The following STAP1 variants were observed in gnomAD, a reference collection of about 807,000 sequenced individuals.
STAP1 encodes the protein signal-transducing adaptor protein 1.
STAP1 carries 30 observed loss-of-function variants against 37.8 expected under a neutral mutation model. The ratio of observed to expected loss-of-function variants is 0.79; its 90% CI spans 0.59 to 1.08. The LOEUF (loss-of-function observed/expected upper bound fraction) is 1.08. Among genes scored for constraint, STAP1 ranks in the 50% least tolerant of loss-of-function variants. STAP1 has a pLI of 0.00. For missense variants in STAP1, 357 were observed against 349.4 expected, an observed-to-expected ratio of 1.02 and a Z score of -0.17; for synonymous variants, 130 against 116.0, an observed-to-expected ratio of 1.12 and a Z score of -0.78.
intron 8 of STAP1, among the ~76,000 whole-genome samples, chr4:67,600,306 G>A (rs113014761): frequency 9.2e-5 from 14 of 152,152 alleles, no homozygotes; most frequent in African/African-American, 3.1e-4. Flanking sequence ...TGTTTGTATA[G>A]TTTCCAAAGT....
chr4:67,559,946 A>T (rs1437108001), intron 1 of STAP1, among the ~76,000 whole-genome samples: 1 of 152,216 alleles, frequency 6.6e-6, no homozygotes, highest in Non-Finnish European at 1.5e-5. Context: ...GATGTTAAAC[A>T]TGCATAAATA....
At chr4:67,603,907 C>A (rs543569916) in intron 8 of STAP1, among the ~76,000 whole-genome samples, 1 of 152,100 alleles carries the variant, frequency 6.6e-6, no homozygotes, top group Non-Finnish European at 1.5e-5. Context: ...CACTACATGT[C>A]CACTGGCTCC....
At chr4:67,602,485 G>T (rs1258884587) in intron 8 of STAP1, among the ~76,000 whole-genome samples, 1 of 152,046 alleles carries the variant, frequency 6.6e-6, no homozygotes, top group East Asian at 1.9e-4. Context: ...ATCCTTCTTG[G>T]AAAGGTTTTC....
intron 1 of STAP1, among the ~76,000 whole-genome samples, chr4:67,565,111 G>A (rs985368073): frequency 5.3e-5 from 8 of 151,982 alleles, no homozygotes; most frequent in East Asian, 1.9e-4. Flanking sequence ...AGAGTTGGTC[G>A]GATAAGCAAA....
chr4:67,575,114 A>G lies in STAP1; in HGVS notation c.193-271A>G, dbSNP rs1727689214. Among the ~76,000 whole-genome samples, 3 of 152,184 alleles carry G rather than the reference A, an allele frequency of 2.0e-5. 1 individual carries two copies. The South Asian group carries it at 6.2e-4, about 32-fold the overall frequency. On this transcript the variant is annotated intron_variant, in intron 2 of 8. Transcript: ENST00000265404. ...ATAATTTATTTACTGGTATGTTTAT[A>G]TAATTCGATTTTTAAAATAATGGCT...
At chr4:67,561,125 C>T (rs1578018746) in intron 1 of STAP1, among the ~76,000 whole-genome samples, 2 of 152,156 alleles carry the variant, frequency 1.3e-5, no homozygotes, top group Admixed American at 1.3e-4. Context: ...TATTCAGGTA[C>T]TAAAATTAGT....
At chr4:67,578,068 C>T (rs1419842663) in intron 4 of STAP1, among the ~76,000 whole-genome samples, 1 of 152,126 alleles carries the variant, frequency 6.6e-6, no homozygotes, top group Non-Finnish European at 1.5e-5. Flanking sequence ...CACCTTTAAA[C>T]ATTTCTTCAG....
intron 1 of STAP1, among the ~76,000 whole-genome samples, chr4:67,569,848 G>A (rs1323396004): frequency 2.0e-5 from 3 of 152,114 alleles, no homozygotes; most frequent in South Asian, 4.1e-4. Flanking sequence ...TTCTGCTACA[G>A]CCCCCTGAGT....
At chr4:67,567,271 A>G (rs549957853) in intron 1 of STAP1, among the ~76,000 whole-genome samples, 75 of 152,310 alleles carry the variant, frequency 4.9e-4, no homozygotes, top group African/African-American at 1.7e-3. Flanking sequence ...TGATCCTTCA[A>G]TAATATGCCC....
At chr4:67,566,351 T>C (rs1727471058) in intron 1 of STAP1, among the ~76,000 whole-genome samples, 1 of 152,116 alleles carries the variant, frequency 6.6e-6, no homozygotes, top group Non-Finnish European at 1.5e-5. Context: ...TGAAGATCAG[T>C]TAGTTACTTT....
chr4:67,592,920 A>G (rs3775879), intron 7 of STAP1, among the ~76,000 whole-genome samples: 22,347 of 152,092 alleles, frequency 0.15, 2,683 homozygotes, highest in African/African-American at 0.33. Flanking sequence ...CTGGTCTCAA[A>G]TGATCTTCCC....
At chr4:67,566,846 T>A (rs563517449) in intron 1 of STAP1, among the ~76,000 whole-genome samples, 1 of 152,146 alleles carries the variant, frequency 6.6e-6, no homozygotes, top group Non-Finnish European at 1.5e-5. Context: ...GGAACATGCC[T>A]GTAGTCCTAG....
chr4:67,567,190 T>C (rs1040307596), intron 1 of STAP1, among the ~76,000 whole-genome samples: 11 of 152,220 alleles, frequency 7.2e-5, no homozygotes, highest in Non-Finnish European at 1.5e-4. Flanking sequence ...ATTGGGCATC[T>C]GGATTTCAGA....
chr4:67,606,285 AC>A lies in STAP1; in HGVS notation c.827-10del. 6.2e-7 allele frequency: 1 copy of A among 1,601,410 alleles called. No individual in the cohort carries two copies. Among genetic ancestry groups the A allele is most frequent in the Non-Finnish European group, 8.5e-7 (1 of 1,176,488 alleles). ...GTTCGCTAATTAAGTTTTTCTACCCACAATTTCTAGGTCAAGAACCCAGTAT... is the reference window on the plus strand; with the variant it reads ...GTTCGCTAATTAAGTTTTTCTACCCAAATTTCTAGGTCAAGAACCCAGTAT... On this transcript the variant is annotated splice_polypyrimidine_tract_variant and intron_variant, in intron 8 of 8. Transcript: ENST00000265404.
chr4:67,591,015 G>A (rs1728109320), intron 7 of STAP1, 62 bp downstream of exon 7: 2 of 1,367,372 alleles, frequency 1.5e-6, no homozygotes, highest in South Asian at 1.3e-5. Flanking sequence ...GCCTCCTAGT[G>A]CTGGCAAAAA....
chr4:67,567,237 C>T (rs1396315035), intron 1 of STAP1, among the ~76,000 whole-genome samples: 1 of 152,188 alleles, frequency 6.6e-6, no homozygotes, highest in Non-Finnish European at 1.5e-5. Flanking sequence ...TTTATAACTA[C>T]TTCTTTGAGG....
chr4:67,578,708 A>G (rs902030259), intron 4 of STAP1, among the ~76,000 whole-genome samples: 1 of 152,244 alleles, frequency 6.6e-6, no homozygotes, highest in Admixed American at 6.5e-5. Context: ...CTAAGTATGT[A>G]TAAAGTTTTG....
In STAP1 at chr4:67,558,934, G is replaced by A; in HGVS notation, c.120+5G>A. 1 of 1,596,038 alleles carries A rather than the reference G, an allele frequency of 6.3e-7. No homozygotes were observed. Among genetic ancestry groups the A allele is most frequent in the Non-Finnish European group, 8.5e-7 (1 of 1,172,400 alleles). ...ATCAAGCGGTCAGGATACCGGGTGA[G>A]TCTATAGATGATAATGTTAAACCTA... On this transcript the variant is annotated splice_donor_5th_base_variant and intron_variant, in intron 1 of 8. Transcript: ENST00000265404.
At chr4:67,577,389 C>T in intron 4 of STAP1, 130 bp downstream of exon 4, 2 of 650,970 alleles carry the variant, frequency 3.1e-6, no homozygotes, top group South Asian at 6.6e-5. Flanking sequence ...TAAACTCTTG[C>T]ACTTACTTAT....
Sources: allele counts gnomAD v4.1 joint callset (sites outside exome capture counted in the v4.1 genomes callset), GRCh38; gene constraint gnomAD v4.1.1; transcripts MANE v1.5; gene names NCBI Gene and HGNC (gene_info 2026-07-23, HGNC 2026-07-21).